Variants in BCL2 observed in about 807,000 individuals in gnomAD.
BCL2 encodes the protein apoptosis regulator Bcl-2.
Under a neutral mutation model 14.2 loss-of-function variants are expected in BCL2, and 1 was observed. The observed-to-expected ratio is 0.07, with a 90% CI of 0.02 to 0.33. The LOEUF (loss-of-function observed/expected upper bound fraction) is 0.33, where lower values mean the gene tolerates loss of function less well. Ranked by LOEUF, BCL2 falls within the 10% of genes least tolerant of loss-of-function variation. The pLI is 0.99. For synonymous variants in BCL2, 151 were observed against 137.2 expected (o/e 1.10, Z -0.70); for missense variants, 247 against 305.9 (o/e 0.81, Z 1.44).
chr18:63,126,736 G>A lies in BCL2; in HGVS notation c.*1889C>T, dbSNP rs1054845389. 1.8e-5 allele frequency: 4 copies of A among 225,114 alleles called. No individual in the cohort carries two copies. Among genetic ancestry groups the A allele is most frequent in the Non-Finnish European group, 2.7e-5 (3 of 112,980 alleles). 13.9% of individuals were successfully genotyped at this position (225,114 alleles called of 1,614,324 possible). ...GAGATAAAAATCTCAAACAGAAAAC[G>A]ATCACCTTTGCTCACAAATAGTGTA... On this transcript the variant is annotated 3_prime_UTR_variant, in exon 3 of 3. Coordinates refer to ENST00000333681, the MANE Select transcript of BCL2 (RefSeq NM_000633.3).
intron 2 of BCL2, among the ~76,000 whole-genome samples, chr18:63,211,163 T>G (rs1054137267): frequency 1.3e-4 from 19 of 141,968 alleles, no homozygotes; most frequent in African/African-American, 4.7e-4. Flanking sequence ...CACCACCTCC[T>G]GGGTTCCAGC....
intron 2 of BCL2, among the ~76,000 whole-genome samples, chr18:63,192,499 C>T (rs1487081371): frequency 1.3e-5 from 2 of 152,184 alleles, no homozygotes; most frequent in Non-Finnish European, 2.9e-5. Context: ...AGCTAAAAAG[C>T]ATGGCCCATA....
chr18:63,170,973 T>C (rs1442223154), intron 2 of BCL2, among the ~76,000 whole-genome samples: 2 of 152,228 alleles, frequency 1.3e-5, no homozygotes, highest in South Asian at 2.1e-4. Flanking sequence ...TCTTAGTAAA[T>C]AGACTTTTTT....
At position 63,318,142 on chromosome 18, in the gene BCL2, C is replaced by T. The variant is rs999714773; in HGVS notation, c.525G>A (p.Leu175=). ...GCCGGTTCAGGTACTCAGTCATCCA[C>T]AGGGCGATGTTGTCCACCAGGGGCG... ...EMSPLVDNIA[L]WMTEYLNRHL... Residue 175 remains leucine, a synonymous_variant, in exon 2 of 3, where the codon CTG becomes CTA. Coordinates refer to ENST00000333681, the MANE Select transcript of BCL2 (RefSeq NM_000633.3). This position sits in a 1 kb window ranked among gnomAD's most constrained non-coding sequence, Gnocchi z 7.4. The T allele has an allele frequency of 6.2e-7, 1 of 1,614,148 alleles. No homozygotes were observed. The highest frequency in any genetic ancestry group is 8.5e-7 in the Non-Finnish European group (1 of 1,180,018).
intron 2 of BCL2, among the ~76,000 whole-genome samples, chr18:63,162,709 A>G (rs750722775): frequency 1.3e-5 from 2 of 152,116 alleles, no homozygotes; most frequent in Non-Finnish European, 2.9e-5. Context: ...ATCCTTGGCT[A>G]CCACTAGGGC....
chr18:63,158,148 C>T (rs1416837922), intron 2 of BCL2, among the ~76,000 whole-genome samples: 1 of 152,024 alleles, frequency 6.6e-6, no homozygotes, highest in South Asian at 2.1e-4. Flanking sequence ...AGGCACCACT[C>T]GGTAGGAAGA....
intron 2 of BCL2, among the ~76,000 whole-genome samples, chr18:63,250,441 C>A (rs1911277563): frequency 6.6e-6 from 1 of 152,222 alleles, no homozygotes; most frequent in Admixed American, 6.5e-5. Context: ...CCTGTCAAGT[C>A]ATTTTTGATG....
At chr18:63,259,480 A>G (rs770996996) in intron 2 of BCL2, among the ~76,000 whole-genome samples, 9 of 152,258 alleles carry the variant, frequency 5.9e-5, no homozygotes, top group African/African-American at 1.4e-4. Context: ...AATGTCTAAC[A>G]GCTATCATAT....
chr18:63,131,723 C>T (rs572154451), intron 2 of BCL2, among the ~76,000 whole-genome samples: 1 of 152,166 alleles, frequency 6.6e-6, no homozygotes, highest in African/African-American at 2.4e-5. Flanking sequence ...GGTCAGTGGC[C>T]GGGCTCTGAA....
At chr18:63,243,981 C>A (rs566179200) in intron 2 of BCL2, among the ~76,000 whole-genome samples, 2 of 152,252 alleles carry the variant, frequency 1.3e-5, no homozygotes, top group Admixed American at 1.3e-4. Flanking sequence ...CAGTGGCTCA[C>A]GCCTGTAATC....
intron 2 of BCL2, among the ~76,000 whole-genome samples, chr18:63,232,073 A>G (rs571698341): frequency 5.0e-4 from 76 of 152,198 alleles, no homozygotes; most frequent in African/African-American, 1.6e-3. Context: ...GGAAAACAAA[A>G]ACTAAACTAA....
intron 2 of BCL2, among the ~76,000 whole-genome samples, chr18:63,278,987 G>A (rs187227602): frequency 7.2e-5 from 11 of 152,270 alleles, no homozygotes; most frequent in African/African-American, 2.6e-4. Context: ...GGATATCCAT[G>A]TGGGAAAAAA....
rs143039372 is a variant in BCL2, at chr18:63,258,372, A to G, written c.585+59710T>C. ...TTAAAGATATGAAGGTAGCCACCCA[A>G]AGAACTTTCAACAAAGCTGGGAGGG... On this transcript the variant is annotated intron_variant, in intron 2 of 2. Transcript: ENST00000333681. Among the ~76,000 whole-genome samples the G allele has an allele frequency of 4.6e-5, 7 of 152,344 alleles. No homozygotes were observed. The East Asian group carries it at 1.3e-3, about 29-fold the overall frequency.
chr18:63,256,371 C>G (rs754552069), intron 2 of BCL2, among the ~76,000 whole-genome samples: 16 of 152,188 alleles, frequency 1.1e-4, no homozygotes, highest in Non-Finnish European at 2.2e-4. Flanking sequence ...TGTGCACCAC[C>G]ACACCCAGCT....
intron 2 of BCL2, among the ~76,000 whole-genome samples, chr18:63,312,587 ATGGACTGTGAAT>A (rs1288842305): frequency 1.3e-5 from 2 of 152,264 alleles, no homozygotes; most frequent in African/African-American, 4.8e-5. Context: ...CAGTGTTACA[ATGGACTGTGAAT>A]TTCTGTAACT....
chr18:63,202,095 G>T (rs1909711512), intron 2 of BCL2, among the ~76,000 whole-genome samples: 1 of 152,074 alleles, frequency 6.6e-6, no homozygotes, highest in African/African-American at 2.4e-5. Flanking sequence ...GATCACTTGA[G>T]GTCAGGAGTT....
intron 2 of BCL2, among the ~76,000 whole-genome samples, chr18:63,253,225 G>A (rs1911367214): frequency 6.6e-6 from 1 of 152,166 alleles, no homozygotes; most frequent in African/African-American, 2.4e-5. Context: ...ATGAGCAGAA[G>A]GAGCCCCAGA....
At chr18:63,150,779 G>A (rs751299397) in intron 2 of BCL2, among the ~76,000 whole-genome samples, 3 of 152,078 alleles carry the variant, frequency 2.0e-5, no homozygotes, top group Non-Finnish European at 2.9e-5. Context: ...AGACCTTGTG[G>A]CAGAAAAATG....
At chr18:63,298,130 T>C (rs1340055535) in intron 2 of BCL2, among the ~76,000 whole-genome samples, 2 of 152,148 alleles carry the variant, frequency 1.3e-5, no homozygotes, top group Non-Finnish European at 2.9e-5. Context: ...ATCTCTTCCC[T>C]ATGCTGACAT....
Sources: allele counts gnomAD v4.1 joint callset (sites outside exome capture counted in the v4.1 genomes callset), GRCh38; gene constraint gnomAD v4.1.1; non-coding constraint Gnocchi (gnomAD v3.1); transcripts MANE v1.5; gene names NCBI Gene and HGNC (gene_info 2026-07-23, HGNC 2026-07-21).